The following WWOX variants were observed in gnomAD, a reference collection of about 807,000 sequenced individuals.
WWOX encodes the protein WW domain containing oxidoreductase.
In WWOX, 69 loss-of-function variants were observed where a neutral mutation model predicts 46.2. The observed-to-expected ratio is 1.49, with a 90% CI of 1.23 to 1.82. WWOX has a LOEUF of 1.82. Among genes scored for constraint, WWOX ranks in the 40% most tolerant of loss-of-function variants. WWOX has a pLI of 0.00. For missense variants in WWOX, 919 were observed against 542.6 expected (o/e 1.69, Z -6.89); for synonymous variants, 359 against 202.6 (o/e 1.77, Z -6.56).
Position 78,756,868 on chromosome 16 carries a change from C to T in WWOX, c.1056+324116C>T, listed in dbSNP as rs7199110. ...CGATAGGGTATTGCAGACATCAGAGCATGTGACTTACGAGGCTAGACCATA... is the reference window on the plus strand; with the variant it reads ...CGATAGGGTATTGCAGACATCAGAGTATGTGACTTACGAGGCTAGACCATA... On this transcript the variant is annotated intron_variant, in intron 8 of 8. Transcript: ENST00000566780. 0.61 allele frequency: 424,384 copies of T among 701,260 alleles called. 130,166 individuals are homozygous for T. The highest frequency in any genetic ancestry group is 0.67 in the South Asian group (45,196 of 67,408). 43.4% of individuals were successfully genotyped at this position (701,260 alleles called of 1,614,324 possible).
intron 8 of WWOX, among the ~76,000 whole-genome samples, chr16:78,812,369 T>C (rs749501838): frequency 3.9e-5 from 6 of 152,128 alleles, no homozygotes; most frequent in African/African-American, 7.2e-5. Context: ...ACAGGTCTTA[T>C]GTTCTTGGGT....
intron 5 of WWOX, among the ~76,000 whole-genome samples, chr16:78,206,618 T>C (rs1292841236): frequency 6.6e-6 from 1 of 152,184 alleles, no homozygotes; most frequent in African/African-American, 2.4e-5. Context: ...TTAATTCTGG[T>C]TTAAGACTGA....
chr16:78,643,575 C>T (rs904236403), intron 8 of WWOX, among the ~76,000 whole-genome samples: 12 of 152,260 alleles, frequency 7.9e-5, no homozygotes, highest in African/African-American at 2.6e-4. Flanking sequence ...TTCCAGCCCC[C>T]TGTAGGAGAG....
intron 8 of WWOX, among the ~76,000 whole-genome samples, chr16:79,071,959 C>T (rs938558197): frequency 2.0e-5 from 3 of 152,066 alleles, no homozygotes; most frequent in Non-Finnish European, 4.4e-5. Flanking sequence ...TTCATTCATT[C>T]GTTTACTCGT....
chr16:78,376,410 C>G (rs2081826941), intron 5 of WWOX, among the ~76,000 whole-genome samples: 1 of 152,214 alleles, frequency 6.6e-6, no homozygotes, highest in Non-Finnish European at 1.5e-5. Context: ...TTGAACCAGG[C>G]TGTCCCTGTT....
intron 8 of WWOX, among the ~76,000 whole-genome samples, chr16:78,911,388 C>G (rs1198857759): frequency 2.0e-5 from 3 of 151,972 alleles, no homozygotes; most frequent in South Asian, 2.1e-4. Context: ...GAGAAGCAGT[C>G]TTTTCTTTTT....
At chr16:78,636,721 C>G (rs757476712) in intron 8 of WWOX, among the ~76,000 whole-genome samples, 7 of 152,150 alleles carry the variant, frequency 4.6e-5, no homozygotes, top group Non-Finnish European at 8.8e-5. Flanking sequence ...GGCAACCTAG[C>G]TCAGCAAGTA....
intron 8 of WWOX, among the ~76,000 whole-genome samples, chr16:78,723,203 G>C (rs1005634768): frequency 6.6e-6 from 1 of 152,172 alleles, no homozygotes; most frequent in Non-Finnish European, 1.5e-5. Flanking sequence ...TTTCTTAGCA[G>C]CTACAGAATA....
At chr16:78,548,336 C>T (rs953256046) in intron 8 of WWOX, among the ~76,000 whole-genome samples, 2 of 96,388 alleles carry the variant, frequency 2.1e-5, no homozygotes, top group African/African-American at 5.3e-5. Flanking sequence ...AATTTTTGTT[C>T]CTAAAGAAAA....
At chr16:79,113,943 C>T (rs1048771743) in intron 8 of WWOX, among the ~76,000 whole-genome samples, 1 of 152,148 alleles carries the variant, frequency 6.6e-6, no homozygotes, top group East Asian at 1.9e-4. Flanking sequence ...GTCCTAAGGC[C>T]CAGCCACAAC....
At chr16:78,387,222 C>T (rs1057146032) in intron 6 of WWOX, among the ~76,000 whole-genome samples, 1 of 152,106 alleles carries the variant, frequency 6.6e-6, no homozygotes, top group Non-Finnish European at 1.5e-5. Flanking sequence ...AAAAGCTTGG[C>T]AATAGTAAGA....
chr16:79,051,859 C>A lies in WWOX; in HGVS notation c.1057-159749C>A, dbSNP rs370035215. On this transcript the variant is annotated intron_variant, in intron 8 of 8. Coordinates refer to ENST00000566780, the MANE Select transcript of WWOX (RefSeq NM_016373.4). Reference sequence around the variant, plus strand: ...TCAATGTACTTTATGTTCTTAGCTCCCACAGTTTAGCCTAAATATTTGCCC... The same window carrying A: ...TCAATGTACTTTATGTTCTTAGCTCACACAGTTTAGCCTAAATATTTGCCC... 2.3e-4 allele frequency among the ~76,000 whole-genome samples: 35 copies of A among 152,250 alleles called. No individual in the cohort carries two copies. The South Asian group carries it at 7.1e-3, about 31-fold the overall frequency.
chr16:78,777,538 A>G (rs2050221642), intron 8 of WWOX, among the ~76,000 whole-genome samples: 1 of 152,200 alleles, frequency 6.6e-6, no homozygotes, highest in Non-Finnish European at 1.5e-5. Context: ...GGTCCTACTG[A>G]GTGGTCAGCT....
In WWOX at chr16:79,212,200, C is replaced by G. The variant is rs951566181; in HGVS notation, c.*404C>G. 4 of 1,452,192 alleles carry G rather than the reference C, an allele frequency of 2.8e-6. No homozygotes were observed. The African/African-American group carries it at 4.3e-5, about 16-fold the overall frequency. 90.0% of individuals were successfully genotyped at this position (1,452,192 alleles called of 1,614,324 possible). On this transcript the variant is annotated 3_prime_UTR_variant, in exon 9 of 9. Coordinates refer to ENST00000566780, the MANE Select transcript of WWOX (RefSeq NM_016373.4). ...GCAGCCGGGGGCTGGCCTTCTCCTA[C>G]TTAGGGAAGAAAAAGCAAGTGTTCA...
At chr16:78,849,713 G>T (rs945476702) in intron 8 of WWOX, among the ~76,000 whole-genome samples, 11 of 151,982 alleles carry the variant, frequency 7.2e-5, no homozygotes, top group Non-Finnish European at 1.2e-4. Flanking sequence ...TTCTAATCTT[G>T]ATGCAGTGAG....
intron 8 of WWOX, among the ~76,000 whole-genome samples, chr16:78,573,747 G>A (rs1432230957): frequency 6.6e-6 from 1 of 152,190 alleles, no homozygotes; most frequent in South Asian, 2.1e-4. Context: ...CTTGCTTCCT[G>A]TCCTTGCCAC....
At chr16:78,918,771 G>A (rs1183518324) in intron 8 of WWOX, among the ~76,000 whole-genome samples, 1 of 152,118 alleles carries the variant, frequency 6.6e-6, no homozygotes. Context: ...ATGCTCGGAG[G>A]AGTCAAGTTA....
intron 8 of WWOX, among the ~76,000 whole-genome samples, chr16:79,138,192 C>T (rs1049763849): frequency 6.6e-6 from 1 of 151,994 alleles, no homozygotes; most frequent in East Asian, 1.9e-4. Flanking sequence ...CCCCACTTTC[C>T]AAAGGCCAGA....
chr16:78,813,318 C>G (rs1053333869), intron 8 of WWOX, among the ~76,000 whole-genome samples: 1 of 151,404 alleles, frequency 6.6e-6, no homozygotes, highest in Non-Finnish European at 1.5e-5. Context: ...AATATACAGC[C>G]TTAAAAAAAA....
Sources: allele counts gnomAD v4.1 joint callset (sites outside exome capture counted in the v4.1 genomes callset), GRCh38; gene constraint gnomAD v4.1.1; transcripts MANE v1.5; gene names NCBI Gene and HGNC (gene_info 2026-07-23, HGNC 2026-07-21).